The following NOX4 variants were observed in gnomAD, a reference collection of about 807,000 sequenced individuals.
NOX4 encodes kidney oxidase-1.
In NOX4, 69 loss-of-function variants were observed where a neutral mutation model predicts 87.6. That is an observed-to-expected ratio of 0.79 (90% CI 0.65 to 0.96). The LOEUF is 0.96. Among genes scored for constraint, NOX4 ranks in the 40% least tolerant of loss-of-function variants. NOX4 has a pLI of 0.00. For synonymous variants in NOX4, 275 were observed against 238.2 expected, an observed-to-expected ratio of 1.15 and a Z score of -1.42; for missense variants, 680 against 681.5, an observed-to-expected ratio of 1.00 and a Z score of 0.02.
chr11:89,381,859 T>A (rs1940313959), intron 11 of NOX4, among the ~76,000 whole-genome samples: 1 of 152,168 alleles, frequency 6.6e-6, no homozygotes, highest in Admixed American at 6.5e-5. Flanking sequence ...TCTCTCACTA[T>A]CCTTCAACCT....
At chr11:89,391,781 G>A (rs1349715996) in intron 11 of NOX4, among the ~76,000 whole-genome samples, 4 of 149,806 alleles carry the variant, frequency 2.7e-5, no homozygotes, top group African/African-American at 9.8e-5. Flanking sequence ...AAATTAATGA[G>A]ATTATATATT....
At chr11:89,407,219 G>C (rs1368952675) in intron 8 of NOX4, among the ~76,000 whole-genome samples, 1 of 151,966 alleles carries the variant, frequency 6.6e-6, no homozygotes, top group Non-Finnish European at 1.5e-5. Flanking sequence ...CAAAAAGACA[G>C]CATTCTTGTA....
At chr11:89,526,783 C>G in the NOX4 span, among the ~76,000 whole-genome samples, 1 of 152,144 alleles carries the variant, frequency 6.6e-6, no homozygotes, top group South Asian at 2.1e-4. Context: ...GTCAATTAAA[C>G]CTTTTTCCTC....
chr11:89,573,994 T>G, the NOX4 span, among the ~76,000 whole-genome samples: 1 of 152,218 alleles, frequency 6.6e-6, no homozygotes, highest in Non-Finnish European at 1.5e-5. Context: ...ATTTTGCCTC[T>G]TAATGCATAT....
chr11:89,542,544 C>A, the NOX4 span, among the ~76,000 whole-genome samples: 55,554 of 152,010 alleles, frequency 0.37, 10,325 homozygotes, highest in Middle Eastern at 0.41. Context: ...TTAAGCCAGG[C>A]AGATTCTGTC....
intron 11 of NOX4, among the ~76,000 whole-genome samples, chr11:89,385,875 C>T (rs1591080700): frequency 6.6e-6 from 1 of 152,236 alleles, no homozygotes; most frequent in East Asian, 1.9e-4. Flanking sequence ...TCATTTCTTC[C>T]CTTCCGTCAG....
chr11:89,348,675 T>G (rs534042290), intron 13 of NOX4, among the ~76,000 whole-genome samples: 1 of 152,232 alleles, frequency 6.6e-6, no homozygotes, highest in East Asian at 1.9e-4. Context: ...CGACTCCAAG[T>G]GTATGTGTGC....
chr11:89,473,718 C>A (rs1946046683), intron 2 of NOX4, among the ~76,000 whole-genome samples: 1 of 152,066 alleles, frequency 6.6e-6, no homozygotes, highest in Non-Finnish European at 1.5e-5. Context: ...TAAATTCTAT[C>A]TCTGTCCTCA....
At chr11:89,385,426 T>C (rs1940632055) in intron 11 of NOX4, among the ~76,000 whole-genome samples, 1 of 152,118 alleles carries the variant, frequency 6.6e-6, no homozygotes, top group Non-Finnish European at 1.5e-5. Flanking sequence ...TTCTCATCAG[T>C]CACTCCCACC....
At chr11:89,357,899 C>G (rs1938191921) in intron 12 of NOX4, among the ~76,000 whole-genome samples, 1 of 151,940 alleles carries the variant, frequency 6.6e-6, no homozygotes. Flanking sequence ...ACTAAAAACA[C>G]ATACACAGAT....
the NOX4 span, among the ~76,000 whole-genome samples, chr11:89,565,567 T>C: frequency 1.3e-5 from 2 of 152,148 alleles, no homozygotes; most frequent in African/African-American, 2.4e-5. Context: ...ATTTCTAATC[T>C]CATTGGATAA....
the NOX4 span, among the ~76,000 whole-genome samples, chr11:89,544,949 T>C: frequency 2.0e-5 from 3 of 151,776 alleles, no homozygotes; most frequent in African/African-American, 7.3e-5. Flanking sequence ...AACAAAAAAC[T>C]CGGTAGCAGC....
intron 8 of NOX4, among the ~76,000 whole-genome samples, chr11:89,408,583 T>C (rs1234888753): frequency 3.3e-5 from 5 of 152,244 alleles, no homozygotes; most frequent in East Asian, 3.9e-4. Context: ...CCCTACTTTG[T>C]TTTTCTGGCC....
Position 89,400,287 on chromosome 11 carries a change from C to A in NOX4, c.939G>T (p.Ser313=), listed in dbSNP as rs765167454. 3.7e-6 allele frequency: 6 copies of A among 1,612,676 alleles called. No homozygotes were observed. The highest frequency in any genetic ancestry group is 2.2e-5 in the East Asian group (1 of 44,792). Residue 313 remains serine, a synonymous_variant, in exon 10 of 18, where the codon TCG becomes TCT. Coordinates refer to ENST00000263317, the MANE Select transcript of NOX4 (RefSeq NM_016931.5). ...TGACATCTGAGGGATGACTCATGAC[C>A]GAAATGATGGTGACTGGCTTATTGC... ...IRSNKPVTII[S]VMSHPSDVME...
intron 2 of NOX4, among the ~76,000 whole-genome samples, chr11:89,453,603 T>A (rs1945060496): frequency 6.6e-6 from 1 of 152,226 alleles, no homozygotes; most frequent in Admixed American, 6.5e-5. Flanking sequence ...TATCTCTTAC[T>A]ATTAGCCACA....
At chr11:89,555,389 G>A in the NOX4 span, among the ~76,000 whole-genome samples, 1 of 152,002 alleles carries the variant, frequency 6.6e-6, no homozygotes, top group Non-Finnish European at 1.5e-5. Flanking sequence ...GCAGGCCAAA[G>A]CAGGAAGATC....
At chr11:89,470,325 T>C (rs568969073) in intron 2 of NOX4, among the ~76,000 whole-genome samples, 1 of 152,206 alleles carries the variant, frequency 6.6e-6, no homozygotes, top group Non-Finnish European at 1.5e-5. Flanking sequence ...AAAGTGACAT[T>C]CTCATTGTAG....
At chr11:89,462,982 TACTC>T (rs1945538606) in intron 2 of NOX4, among the ~76,000 whole-genome samples, 1 of 151,926 alleles carries the variant, frequency 6.6e-6, no homozygotes, top group African/African-American at 2.4e-5. Flanking sequence ...AGATGTAAAT[TACTC>T]ACAATGTTCT....
chr11:89,340,035 G>A, intron 15 of NOX4, 28 bp downstream of exon 15: 1 of 1,245,702 alleles, frequency 8.0e-7, no homozygotes, highest in Non-Finnish European at 1.1e-6. Flanking sequence ...TTGAAAAATT[G>A]CAAAACTAGA....
Sources: gnomAD v4.1 joint callset for allele counts (sites outside exome capture counted in the v4.1 genomes callset) on GRCh38, gnomAD v4.1.1 for gene constraint, MANE v1.5 for transcripts, NCBI Gene and HGNC (gene_info 2026-07-23, HGNC 2026-07-21) for gene names.